The following GRIA4 variants were observed in gnomAD, a reference collection of about 807,000 sequenced individuals.
GRIA4 encodes the protein glutamate ionotropic receptor AMPA type subunit 4, also known as glutamate receptor 4.
In GRIA4, 34 loss-of-function variants were observed where a neutral mutation model predicts 104.0. The observed-to-expected ratio is 0.33, with a 90% CI of 0.25 to 0.44. The LOEUF is 0.44. GRIA4 is among the 20% of genes least tolerant of loss of function. GRIA4 has a pLI of 1.00. For missense variants in GRIA4, 750 were observed against 1,096.5 expected (o/e 0.68, Z 4.46); for synonymous variants, 386 against 381.9 (o/e 1.01, Z -0.13).
At chr11:105,633,489 T>C (rs2135318539) in intron 3 of GRIA4, among the ~76,000 whole-genome samples, 1 of 152,282 alleles carries the variant, frequency 6.6e-6, no homozygotes, top group African/African-American at 2.4e-5. Flanking sequence ...ACTAAACCCT[T>C]AGTAAATATT....
intron 3 of GRIA4, among the ~76,000 whole-genome samples, chr11:105,740,266 A>G (rs1365478177): frequency 1.3e-5 from 2 of 152,230 alleles, no homozygotes; most frequent in African/African-American, 4.8e-5. Flanking sequence ...AGCTTTAATT[A>G]AAAACTATTG....
intron 4 of GRIA4, among the ~76,000 whole-genome samples, chr11:105,858,107 A>G (rs1591358922): frequency 6.6e-6 from 1 of 152,294 alleles, no homozygotes; most frequent in Non-Finnish European, 1.5e-5. Flanking sequence ...TTTTATATGT[A>G]ATTGACAGTG....
intron 3 of GRIA4, among the ~76,000 whole-genome samples, chr11:105,729,862 A>G (rs1010927240): frequency 6.6e-6 from 1 of 152,134 alleles, no homozygotes; most frequent in East Asian, 1.9e-4. Context: ...CATATCTGAA[A>G]ATAATAAGAA....
intron 3 of GRIA4, among the ~76,000 whole-genome samples, chr11:105,615,541 T>G (rs1950578830): frequency 6.6e-6 from 1 of 151,788 alleles, no homozygotes; most frequent in Admixed American, 6.6e-5. Flanking sequence ...GCCCTTGTAG[T>G]CAAATTTCAA....
intron 3 of GRIA4, among the ~76,000 whole-genome samples, chr11:105,657,180 C>G (rs1195422824): frequency 6.6e-6 from 1 of 151,876 alleles, no homozygotes; most frequent in African/African-American, 2.4e-5. Flanking sequence ...TCCAAATGAA[C>G]AAGTCTACAC....
At chr11:105,675,106 A>G (rs574079307) in intron 3 of GRIA4, among the ~76,000 whole-genome samples, 38 of 151,888 alleles carry the variant, frequency 2.5e-4, no homozygotes, top group Non-Finnish European at 3.0e-5. Flanking sequence ...TATAGCTGAG[A>G]CTCAGAAAAG....
At chr11:105,738,920 T>TAAAAAAAAAA (rs1208334069) in intron 3 of GRIA4, among the ~76,000 whole-genome samples, 1 of 49,244 alleles carries the variant, frequency 2.0e-5, no homozygotes, top group African/African-American at 7.8e-5. Context: ...AGTTGACAAG[T>TAAAAAAAAAA]AAAAAAAAAC....
intron 3 of GRIA4, among the ~76,000 whole-genome samples, chr11:105,697,958 C>A (rs1028847665): frequency 2.2e-4 from 33 of 152,072 alleles, no homozygotes; most frequent in Admixed American, 5.2e-4. Flanking sequence ...CTTTAAGTGC[C>A]TTTTCTTATT....
intron 5 of GRIA4, among the ~76,000 whole-genome samples, chr11:105,884,461 A>G (rs778606300): frequency 6.6e-6 from 1 of 152,248 alleles, no homozygotes; most frequent in Non-Finnish European, 1.5e-5. Context: ...TATTTACAGG[A>G]CACCACTCAA....
chr11:105,763,513 T>C (rs1014922950), intron 4 of GRIA4, among the ~76,000 whole-genome samples: 2 of 152,166 alleles, frequency 1.3e-5, no homozygotes, highest in African/African-American at 4.8e-5. Flanking sequence ...TTTATTGTTT[T>C]TTTCCTTCAT....
chr11:105,949,214 C>T (rs750807381), intron 14 of GRIA4, among the ~76,000 whole-genome samples: 3 of 152,038 alleles, frequency 2.0e-5, no homozygotes, highest in Non-Finnish European at 2.9e-5. Context: ...TGTTTATGTC[C>T]GCTTGCCAAC....
intron 9 of GRIA4, among the ~76,000 whole-genome samples, chr11:105,909,343 A>T (rs949411483): frequency 2.0e-5 from 3 of 152,166 alleles, no homozygotes; most frequent in African/African-American, 7.2e-5. Flanking sequence ...CATACATTTT[A>T]TTGGAGACAT....
intron 4 of GRIA4, among the ~76,000 whole-genome samples, chr11:105,844,136 C>T (rs1944491953): frequency 6.6e-6 from 1 of 152,162 alleles, no homozygotes; most frequent in Admixed American, 6.5e-5. Flanking sequence ...ATAAATTGTA[C>T]AGTCACCCTA....
At chr11:105,803,242 T>C (rs1942797714) in intron 4 of GRIA4, among the ~76,000 whole-genome samples, 1 of 151,994 alleles carries the variant, frequency 6.6e-6, no homozygotes, top group African/African-American at 2.4e-5. Context: ...ATATAGTATC[T>C]CTGTTAATAG....
chr11:105,651,960 G>A (rs1026891055), intron 3 of GRIA4, among the ~76,000 whole-genome samples: 6 of 152,098 alleles, frequency 3.9e-5, no homozygotes, highest in South Asian at 2.1e-4. Context: ...TTAATTTAGA[G>A]CTTCATATAC....
At chr11:105,623,200 A>C (rs1950799566) in intron 3 of GRIA4, among the ~76,000 whole-genome samples, 1 of 151,480 alleles carries the variant, frequency 6.6e-6, no homozygotes, top group African/African-American at 2.4e-5. Context: ...TACCTTGATA[A>C]TGATTTATTT....
rs1565315198 is a variant in GRIA4 at position 105,885,374 on chromosome 11, G to T, written c.673-2145G>T. On this transcript the variant is annotated intron_variant, in intron 5 of 16. Coordinates refer to ENST00000282499, the MANE Select transcript of GRIA4 (RefSeq NM_000829.4). ...TCATCTTCATGGTAAGATTCTCAAGGAAAGTTCTATTTTAGATAAATTGTG... is the reference window on the plus strand; with the variant it reads ...TCATCTTCATGGTAAGATTCTCAAGTAAAGTTCTATTTTAGATAAATTGTG... 2.6e-5 allele frequency among the ~76,000 whole-genome samples: 4 copies of T among 152,262 alleles called. 1 individual carries two copies. In the East Asian group the frequency reaches 7.7e-4, roughly 29 times the overall value.
rs187967573 is a variant in GRIA4 at position 105,797,978 on chromosome 11, A to G, written c.487+44758A>G. On this transcript the variant is annotated intron_variant, in intron 4 of 16. Coordinates refer to ENST00000282499, the MANE Select transcript of GRIA4 (RefSeq NM_000829.4). ...TCATCTATGTATTCATTTATTGAGCAAATATTTATTGAGCACCTACTATGT... is the reference window on the plus strand; with the variant it reads ...TCATCTATGTATTCATTTATTGAGCGAATATTTATTGAGCACCTACTATGT... 1.0e-3 allele frequency: 369 copies of G among 358,110 alleles called. 1 individual carries two copies. The highest frequency in any genetic ancestry group is 7.1e-3 in the African/African-American group (333 of 47,054). 22.2% of individuals were successfully genotyped at this position (358,110 alleles called of 1,614,324 possible). A position where few individuals can be genotyped will look rare whatever the true frequency, so the allele number is the denominator to read the frequency against.
At chr11:105,898,190 T>C (rs1946723811) in intron 6 of GRIA4, 79 bp from the exon 7 acceptor site, 2 of 675,836 alleles carry the variant, frequency 3.0e-6, no homozygotes, top group Non-Finnish European at 5.1e-6. Flanking sequence ...TATGTATAGG[T>C]TATTAATTTA....
Sources: allele counts gnomAD v4.1 joint callset (sites outside exome capture counted in the v4.1 genomes callset), GRCh38; gene constraint gnomAD v4.1.1; transcripts MANE v1.5; gene names NCBI Gene and HGNC (gene_info 2026-07-23, HGNC 2026-07-21).